COBLL1: variants seen among roughly 807,000 people sequenced by gnomAD.
COBLL1 encodes cordon-bleu protein-like 1.
COBLL1 carries 50 observed loss-of-function variants against 94.8 expected under a neutral mutation model. That is an observed-to-expected ratio of 0.53 (90% CI 0.42 to 0.67). The LOEUF (loss-of-function observed/expected upper bound fraction) is 0.67. Ranked by LOEUF, COBLL1 falls within the 30% of genes least tolerant of loss-of-function variation. The probability of loss-of-function intolerance (pLI) is 0.00; values close to 1 mark genes in which losing one functional copy is unlikely to be tolerated. For synonymous variants in COBLL1, 448 were observed against 473.8 expected (o/e 0.95, Z 0.71); for missense variants, 1,362 against 1,348.7 (o/e 1.01, Z -0.15).
rs189423107 is a variant in COBLL1, at chr2:164,713,488, A to C, written c.997-8383T>G. On this transcript the variant is annotated intron_variant, in intron 7 of 13. Coordinates refer to ENST00000652658, the MANE Select transcript of COBLL1 (RefSeq NM_001365672.2). Reference sequence around the variant, plus strand: ...TTACAGCTAGGTTCACTTATATGTGATCTAAATACCACCACCAACAGTAAC... The same window carrying C: ...TTACAGCTAGGTTCACTTATATGTGCTCTAAATACCACCACCAACAGTAAC... Among the ~76,000 whole-genome samples, 4 of 152,276 alleles carry C rather than the reference A, an allele frequency of 2.6e-5. No homozygotes were observed. In the East Asian group the frequency reaches 7.7e-4, roughly 29 times the overall value.
intron 2 of COBLL1, among the ~76,000 whole-genome samples, chr2:164,805,287 GTCTCTCTCTCTCTCTCTCTC>G (rs543005860): frequency 0.011 from 378 of 34,198 alleles, 59 homozygotes; most frequent in Non-Finnish European, 0.014. Flanking sequence ...CTCTCTGTCT[GTCTCTCTCTCTCTCTCTCTC>G]TCTCTCTCTC....
chr2:164,839,337 A>G (rs1683472604), intron 2 of COBLL1, among the ~76,000 whole-genome samples: 1 of 152,178 alleles, frequency 6.6e-6, no homozygotes, highest in African/African-American at 2.4e-5. Context: ...TCATACTGGT[A>G]AACCCAACAC....
intron 2 of COBLL1, among the ~76,000 whole-genome samples, chr2:164,785,453 C>A (rs1019362452): frequency 6.6e-6 from 1 of 152,154 alleles, no homozygotes; most frequent in Non-Finnish European, 1.5e-5. Context: ...TCACAAGAAA[C>A]TTCCAGCCAA....
At chr2:164,715,904 T>C (rs572603652) in intron 7 of COBLL1, among the ~76,000 whole-genome samples, 1 of 152,282 alleles carries the variant, frequency 6.6e-6, no homozygotes, top group African/African-American at 2.4e-5. Context: ...GAAAAATTGA[T>C]TGCTGTTGTA....
chr2:164,705,172 T>G, intron 7 of COBLL1, 67 bp from the exon 8 acceptor site: 1 of 1,299,682 alleles, frequency 7.7e-7, no homozygotes, highest in Non-Finnish European at 1.0e-6. Context: ...AGGAAGACAC[T>G]GAACTTTACG....
chr2:164,742,718 C>T (rs1015414467), intron 3 of COBLL1, among the ~76,000 whole-genome samples: 1 of 152,080 alleles, frequency 6.6e-6, no homozygotes, highest in Non-Finnish European at 1.5e-5. Flanking sequence ...TTTAAATAAT[C>T]TGTAAAGTTA....
intron 2 of COBLL1, among the ~76,000 whole-genome samples, chr2:164,814,148 A>G (rs1184266321): frequency 6.6e-6 from 1 of 152,180 alleles, no homozygotes; most frequent in Non-Finnish European, 1.5e-5. Context: ...TAAGGTAGCA[A>G]GAATGAATTA....
intron 2 of COBLL1, among the ~76,000 whole-genome samples, chr2:164,790,058 T>C (rs1051445772): frequency 8.5e-5 from 13 of 152,236 alleles, no homozygotes; most frequent in Admixed American, 3.3e-4. Flanking sequence ...TGTTGTTTCA[T>C]TCAATGTTGT....
At chr2:164,702,210 A>G (rs887611851) in intron 9 of COBLL1, among the ~76,000 whole-genome samples, 1 of 152,152 alleles carries the variant, frequency 6.6e-6, no homozygotes, top group African/African-American at 2.4e-5. Context: ...GATGTGAAAT[A>G]GAAATAATGT....
At chr2:164,700,068 CAG>C (rs1684169686) in intron 10 of COBLL1, among the ~76,000 whole-genome samples, 1 of 152,012 alleles carries the variant, frequency 6.6e-6, no homozygotes, top group Non-Finnish European at 1.5e-5. Flanking sequence ...TAGAATAAAG[CAG>C]AAAGTACATT....
At chr2:164,670,882 G>A (rs929561229) in intron 1 of COBLL1, among the ~76,000 whole-genome samples, 1 of 152,202 alleles carries the variant, frequency 6.6e-6, no homozygotes, top group African/African-American at 2.4e-5. Context: ...AGCAATGGTG[G>A]CAGATCAGAT....
chr2:164,743,424 T>G, intron 3 of COBLL1: 2 of 296,582 alleles, frequency 6.7e-6, no homozygotes, highest in Non-Finnish European at 1.3e-5. Context: ...TTTTAAAAAC[T>G]TGTTAAATAA....
At chr2:164,772,939 A>C (rs1186413035) in intron 2 of COBLL1, among the ~76,000 whole-genome samples, 1 of 152,134 alleles carries the variant, frequency 6.6e-6, no homozygotes, top group Non-Finnish European at 1.5e-5. Context: ...CCAACTTAGA[A>C]TGTCCACGAG....
chr2:164,805,425 A>G (rs1269990936), intron 2 of COBLL1, among the ~76,000 whole-genome samples: 1 of 145,624 alleles, frequency 6.9e-6, no homozygotes, highest in Non-Finnish European at 1.5e-5. Context: ...AAAAAAATGT[A>G]TAATGTGCCC....
chr2:164,688,442 C>T (rs1048542236), intron 13 of COBLL1, among the ~76,000 whole-genome samples: 3 of 151,922 alleles, frequency 2.0e-5, no homozygotes, highest in African/African-American at 7.3e-5. Flanking sequence ...CATTCATAAA[C>T]AAGAAGGTAT....
At chr2:164,819,534 T>C (rs1685054201) in intron 2 of COBLL1, among the ~76,000 whole-genome samples, 1 of 152,164 alleles carries the variant, frequency 6.6e-6, no homozygotes, top group African/African-American at 2.4e-5. Context: ...AAAAAAATTT[T>C]TTTTAATCAA....
intron 2 of COBLL1, among the ~76,000 whole-genome samples, chr2:164,775,799 C>A (rs942256764): frequency 1.3e-5 from 2 of 152,082 alleles, no homozygotes; most frequent in Non-Finnish European, 2.9e-5. Flanking sequence ...CTCTTATGCC[C>A]TCAAAGATAC....
At chr2:164,805,911 G>C (rs756899488) in intron 2 of COBLL1, among the ~76,000 whole-genome samples, 7 of 152,166 alleles carry the variant, frequency 4.6e-5, no homozygotes, top group South Asian at 2.1e-4. Context: ...CTACCAAACT[G>C]TCTTCCCAAG....
rs533597661 is a variant in COBLL1 at position 164,700,388 on chromosome 2, T to C, written c.1460+134A>G. On this transcript the variant is annotated intron_variant, in intron 10 of 13. Coordinates refer to ENST00000652658, the MANE Select transcript of COBLL1 (RefSeq NM_001365672.2). ...AGTACTTCATTAATAAACATTCTTA[T>C]ATAATGGTAAAAAGGATAAAGTCAA... 382 of 576,156 alleles carry C rather than the reference T, an allele frequency of 6.6e-4. 1 individual carries two copies. Among genetic ancestry groups the C allele is most frequent in the African/African-American group, 6.5e-3 (348 of 53,592 alleles). 35.7% of individuals were successfully genotyped at this position (576,156 alleles called of 1,614,324 possible).
Sources: gnomAD v4.1 joint callset for allele counts (sites outside exome capture counted in the v4.1 genomes callset) on GRCh38, gnomAD v4.1.1 for gene constraint, MANE v1.5 for transcripts, NCBI Gene and HGNC (gene_info 2026-07-23, HGNC 2026-07-21) for gene names.